Variants in PBX1 observed in about 807,000 individuals in gnomAD.
The protein encoded by PBX1 is pre-B-cell leukemia transcription factor 1.
In PBX1, 6 loss-of-function variants were observed where a neutral mutation model predicts 53.4. The observed-to-expected ratio is 0.11, with a 90% confidence interval of 0.06 to 0.22. The LOEUF is 0.22. Ranked by LOEUF, PBX1 falls within the 10% of genes least tolerant of loss-of-function variation. PBX1 has a pLI of 1.00. For synonymous variants in PBX1, 204 were observed against 212.3 expected (o/e 0.96, Z 0.34); for missense variants, 251 against 551.4 (o/e 0.46, Z 5.46).
At chr1:164,865,700 AGCTGTTGACT>A (rs1252128949) in intron 2 of PBX1, among the ~76,000 whole-genome samples, 1 of 152,206 alleles carries the variant, frequency 6.6e-6, no homozygotes, top group Non-Finnish European at 1.5e-5. Context: ...TCAGAGTTGG[AGCTGTTGACT>A]GCTTTGCCAT....
chr1:164,750,547 G>C (rs1246312871), intron 2 of PBX1, among the ~76,000 whole-genome samples: 1 of 152,160 alleles, frequency 6.6e-6, no homozygotes, highest in Non-Finnish European at 1.5e-5. Context: ...CCTATTGAGT[G>C]GGAATGAAAT....
Position 164,636,382 on chromosome 1 carries a change from C to T in PBX1, c.265+73071C>T, listed in dbSNP as rs193042124. The stretch of plus-strand genomic sequence containing the variant: ...CTTGGAACAAGGTGCATGAGCCCAG[C>T]TTGTTTGTTGCATGTGGGAAGTGTA... On this transcript the variant is annotated intron_variant, in intron 2 of 8. Coordinates refer to ENST00000420696, the MANE Select transcript of PBX1 (RefSeq NM_002585.4). Among the ~76,000 whole-genome samples the T allele has an allele frequency of 2.8e-3, 427 of 152,260 alleles. 1 individual carries two copies. The highest frequency in any genetic ancestry group is 0.01 in the Middle Eastern group (3 of 294).
intron 2 of PBX1, among the ~76,000 whole-genome samples, chr1:164,872,679 A>C (rs1336714215): frequency 6.6e-6 from 1 of 152,094 alleles, no homozygotes; most frequent in Non-Finnish European, 1.5e-5. Flanking sequence ...GCCACCACAC[A>C]CCATTGGCCT....
At chr1:164,629,170 C>T (rs1002481813) in intron 2 of PBX1, among the ~76,000 whole-genome samples, 10 of 151,960 alleles carry the variant, frequency 6.6e-5, no homozygotes, top group Admixed American at 3.9e-4. Context: ...TAATATTGGC[C>T]GTGTCTCCAT....
At chr1:164,694,628 C>G (rs1662700933) in intron 2 of PBX1, among the ~76,000 whole-genome samples, 1 of 152,206 alleles carries the variant, frequency 6.6e-6, no homozygotes. Flanking sequence ...CCATCCACAA[C>G]AAGTCTTCCT....
At chr1:164,843,505 G>T (rs1417705495) in intron 8 of PBX1, among the ~76,000 whole-genome samples, 2 of 152,072 alleles carry the variant, frequency 1.3e-5, no homozygotes, top group African/African-American at 4.8e-5. Flanking sequence ...CACCAAATCT[G>T]AGGGGGTGTG....
At chr1:164,681,374 T>A (rs1318479645) in intron 2 of PBX1, among the ~76,000 whole-genome samples, 1 of 152,222 alleles carries the variant, frequency 6.6e-6, no homozygotes, top group Non-Finnish European at 1.5e-5. Flanking sequence ...TTCATATGTA[T>A]TTTTAATCAT....
chr1:164,618,806 T>C (rs1657474120), intron 2 of PBX1, among the ~76,000 whole-genome samples: 2 of 152,352 alleles, frequency 1.3e-5, no homozygotes, highest in East Asian at 1.9e-4. Context: ...ATCAGTTTAA[T>C]AGGCATTGGT....
intron 2 of PBX1, among the ~76,000 whole-genome samples, chr1:164,732,066 G>A (rs12023732): frequency 0.051 from 7,731 of 152,214 alleles, 223 homozygotes; most frequent in South Asian, 0.13. Flanking sequence ...GATGCACGAA[G>A]CACCAGCCTT....
At chr1:164,773,673 G>A (rs535741466) in intron 2 of PBX1, among the ~76,000 whole-genome samples, 13 of 152,244 alleles carry the variant, frequency 8.5e-5, no homozygotes, top group South Asian at 6.2e-4. Flanking sequence ...GCCCTCAACC[G>A]TACCCCACAC....
At chr1:164,782,194 G>C (rs892810697) in intron 2 of PBX1, among the ~76,000 whole-genome samples, 1 of 152,190 alleles carries the variant, frequency 6.6e-6, no homozygotes, top group Non-Finnish European at 1.5e-5. Context: ...CCAGCTCATG[G>C]GCCGGGGGAT....
At chr1:164,836,755 C>T (rs1671059243) in intron 8 of PBX1, among the ~76,000 whole-genome samples, 1 of 152,142 alleles carries the variant, frequency 6.6e-6, no homozygotes, top group Non-Finnish European at 1.5e-5. Flanking sequence ...GTGCATTAAG[C>T]AGCAAACTCT....
At chr1:164,811,886 A>G in intron 5 of PBX1, 104 bp from the exon 6 acceptor site, 1 of 780,916 alleles carries the variant, frequency 1.3e-6, no homozygotes, top group Non-Finnish European at 1.9e-6. Context: ...GGATAAGACC[A>G]ATTAGCTTAC....
intron 8 of PBX1, among the ~76,000 whole-genome samples, chr1:164,835,269 T>G (rs1210625046): frequency 6.6e-6 from 1 of 150,742 alleles, no homozygotes; most frequent in African/African-American, 2.4e-5. Context: ...CTATTATTAA[T>G]AACACGGTGG....
chr1:164,790,145 G>A (rs556518464), intron 2 of PBX1, among the ~76,000 whole-genome samples: 2 of 152,258 alleles, frequency 1.3e-5, no homozygotes, highest in South Asian at 4.2e-4. Context: ...GGTATTCAGG[G>A]CATGGTTACA....
intron 2 of PBX1, among the ~76,000 whole-genome samples, chr1:164,699,108 T>G (rs1160660432): frequency 2.0e-5 from 3 of 152,172 alleles, no homozygotes; most frequent in African/African-American, 7.2e-5. Flanking sequence ...TGCTCTCACA[T>G]AGCAGCGGGC....
chr1:164,716,689 C>CACAG (rs1664107996), intron 2 of PBX1, among the ~76,000 whole-genome samples: 1 of 133,938 alleles, frequency 7.5e-6, no homozygotes, highest in East Asian at 2.1e-4. Context: ...CATCTCTACA[C>CACAG]ACACACACAC....
chr1:164,697,921 C>T (rs781510652), intron 2 of PBX1, among the ~76,000 whole-genome samples: 1 of 152,178 alleles, frequency 6.6e-6, no homozygotes, highest in Non-Finnish European at 1.5e-5. Flanking sequence ...GGAACCAGTT[C>T]CTCCTTGCCT....
intron 2 of PBX1, among the ~76,000 whole-genome samples, chr1:164,761,445 T>A (rs1666805984): frequency 6.6e-6 from 1 of 152,142 alleles, no homozygotes; most frequent in South Asian, 2.1e-4. Flanking sequence ...CATTGGGACA[T>A]TATTCTTTTT....
Sources: gnomAD v4.1 joint callset for allele counts (sites outside exome capture counted in the v4.1 genomes callset) on GRCh38, gnomAD v4.1.1 for gene constraint, MANE v1.5 for transcripts, NCBI Gene and HGNC (gene_info 2026-07-23, HGNC 2026-07-21) for gene names.